The following LNX1 variants were observed in gnomAD, a reference collection of about 807,000 sequenced individuals.
LNX1 encodes ligand of numb-protein X 1.
Under a neutral mutation model 68.4 loss-of-function variants are expected in LNX1, and 54 were observed. The ratio of observed to expected loss-of-function variants is 0.79; its 90% CI spans 0.63 to 0.99. LNX1 has a LOEUF of 0.99. Among genes scored for constraint, LNX1 ranks in the 50% least tolerant of loss-of-function variants. LNX1 has a pLI of 0.00. For missense variants in LNX1, 906 were observed against 926.4 expected (o/e 0.98, Z 0.29); for synonymous variants, 336 against 350.0 (o/e 0.96, Z 0.45).
At chr4:53,515,526 A>C (rs1286769172) in intron 2 of LNX1, among the ~76,000 whole-genome samples, 1 of 151,820 alleles carries the variant, frequency 6.6e-6, no homozygotes, top group Non-Finnish European at 1.5e-5. Context: ...CCACCAAAAA[A>C]AAAATGACAA....
intron 2 of LNX1, among the ~76,000 whole-genome samples, chr4:53,538,114 GAACAA>G (rs1051694708): frequency 6.6e-6 from 1 of 152,104 alleles, no homozygotes; most frequent in Non-Finnish European, 1.5e-5. Context: ...AAACAAAACA[GAACAA>G]AACAAAACAA....
intron 9 of LNX1, among the ~76,000 whole-genome samples, chr4:53,472,323 ACCGGG>A (rs947890813): frequency 8.0e-5 from 12 of 150,636 alleles, no homozygotes; most frequent in African/African-American, 2.9e-4. Context: ...AACATCACAC[ACCGGG>A]GACTGTTGTG....
chr4:53,464,815 C>T (rs548085793), intron 9 of LNX1, among the ~76,000 whole-genome samples: 1 of 152,180 alleles, frequency 6.6e-6, no homozygotes, highest in Admixed American at 6.5e-5. Flanking sequence ...ATAATTTAAC[C>T]TCAAAATTTG....
chr4:53,651,820 T>C (rs1735109648), intron 1 of LNX1, among the ~76,000 whole-genome samples: 1 of 152,204 alleles, frequency 6.6e-6, no homozygotes, highest in Admixed American at 6.5e-5. Flanking sequence ...CCAGTTACTG[T>C]TAGTGGGAAT....
chr4:53,634,917 A>G (rs545647238), intron 1 of LNX1, among the ~76,000 whole-genome samples: 9 of 151,560 alleles, frequency 5.9e-5, no homozygotes, highest in African/African-American at 1.9e-4. Context: ...AGCTCACTGC[A>G]TGGGCTTAAT....
chr4:53,605,308 A>G (rs1229133868), intron 2 of LNX1, among the ~76,000 whole-genome samples: 1 of 152,222 alleles, frequency 6.6e-6, no homozygotes, highest in African/African-American at 2.4e-5. Context: ...TCGTCTTTAA[A>G]CATTGTACAA....
chr4:53,470,190 T>C (rs895648847), intron 9 of LNX1, among the ~76,000 whole-genome samples: 2 of 152,118 alleles, frequency 1.3e-5, no homozygotes, highest in African/African-American at 4.8e-5. Context: ...GTTCAACATA[T>C]GCAAATCAAT....
intron 1 of LNX1, among the ~76,000 whole-genome samples, chr4:53,626,243 G>T (rs1156589265): frequency 6.6e-6 from 1 of 152,104 alleles, no homozygotes; most frequent in Non-Finnish European, 1.5e-5. Context: ...GAGGTGGGGT[G>T]GGAATAGAAA....
rs1354706124 is a variant in LNX1, at chr4:53,459,522, T to C, written c.*1385A>G. The C allele has an allele frequency of 1.9e-6, 3 of 1,595,138 alleles. No homozygotes were observed. The highest frequency in any genetic ancestry group is 2.2e-5 in the East Asian group (1 of 44,784). ...TAAATCTTGTTATTTTTCTGGATAATGTTTAAGAAATTTACCTTAAATCTT... is the reference window on the plus strand; with the variant it reads ...TAAATCTTGTTATTTTTCTGGATAACGTTTAAGAAATTTACCTTAAATCTT... On this transcript the variant is annotated 3_prime_UTR_variant, in exon 11 of 11. Transcript: ENST00000263925.
chr4:53,629,658 C>T (rs1459097049), intron 1 of LNX1, among the ~76,000 whole-genome samples: 3 of 152,126 alleles, frequency 2.0e-5, no homozygotes, highest in Admixed American at 1.3e-4. Context: ...CAGGCTCAGA[C>T]CTGGAGGATG....
chr4:53,506,856 TAAAAA>T (rs59260730), intron 4 of LNX1, among the ~76,000 whole-genome samples: 3 of 54,204 alleles, frequency 5.5e-5, no homozygotes, highest in Non-Finnish European at 1.1e-4. Context: ...AAACTCTGTC[TAAAAA>T]AAAAAAAAAA....
intron 2 of LNX1, among the ~76,000 whole-genome samples, chr4:53,541,478 A>ATT (rs79588563): frequency 1.3e-5 from 2 of 151,216 alleles, no homozygotes; most frequent in Non-Finnish European, 3.0e-5. Flanking sequence ...TTTCATATAT[A>ATT]TTTTTTTTCT....
At chr4:53,644,354 A>G (rs1363631287) in intron 1 of LNX1, among the ~76,000 whole-genome samples, 1 of 152,166 alleles carries the variant, frequency 6.6e-6, no homozygotes. Context: ...GTGAGCCGAG[A>G]TCACGCCACT....
At chr4:53,515,621 G>A (rs1726716948) in intron 2 of LNX1, among the ~76,000 whole-genome samples, 1 of 152,092 alleles carries the variant, frequency 6.6e-6, no homozygotes. Flanking sequence ...AGTTTAAGAA[G>A]CATTATGCAT....
upstream of LNX1, chr4:53,594,077 T>A (rs1468507587): frequency 1.3e-5 from 2 of 151,986 alleles, no homozygotes; most frequent in African/African-American, 4.8e-5. Flanking sequence ...TAGTTTCTGA[T>A]AAAGGATGTC....
At chr4:53,637,999 A>G (rs1734544653) in intron 1 of LNX1, among the ~76,000 whole-genome samples, 1 of 152,204 alleles carries the variant, frequency 6.6e-6, no homozygotes, top group Non-Finnish European at 1.5e-5. Flanking sequence ...GAAATGATTT[A>G]TCACTGATAG....
intron 6 of LNX1, among the ~76,000 whole-genome samples, chr4:53,495,474 G>A (rs1166810118): frequency 3.3e-5 from 5 of 151,364 alleles, no homozygotes; most frequent in Non-Finnish European, 7.4e-5. Flanking sequence ...AAGTGCTTTC[G>A]AAGTCACCTG....
chr4:53,522,109 T>C lies in LNX1; in HGVS notation c.381-13882A>G, dbSNP rs779912662. On this transcript the variant is annotated intron_variant, in intron 2 of 10. Transcript: ENST00000263925. ...ACACCCAACTCTGCTCAGTTCTTTT[T>C]GTTTGGCAGACGAGGCTTCTTGGGC... Among the ~76,000 whole-genome samples the C allele has an allele frequency of 7.9e-5, 12 of 152,140 alleles. 1 individual carries two copies. The highest frequency in any genetic ancestry group is 1.6e-4 in the Non-Finnish European group (11 of 68,030).
At chr4:53,541,912 C>CA (rs923480822) in intron 2 of LNX1, among the ~76,000 whole-genome samples, 2 of 152,046 alleles carry the variant, frequency 1.3e-5, no homozygotes, top group African/African-American at 4.8e-5. Flanking sequence ...TAAGCTTGGA[C>CA]AAAAAATAGG....
Sources: allele counts gnomAD v4.1 joint callset (sites outside exome capture counted in the v4.1 genomes callset), GRCh38; gene constraint gnomAD v4.1.1; transcripts MANE v1.5; gene names NCBI Gene and HGNC (gene_info 2026-07-23, HGNC 2026-07-21).